The following CHRNE variants were observed in gnomAD, a reference collection of about 807,000 sequenced individuals.
CHRNE encodes the protein cholinergic receptor nicotinic epsilon subunit.
CHRNE carries 58 observed loss-of-function variants against 56.5 expected under a neutral mutation model. The observed-to-expected ratio is 1.03, with a 90% CI of 0.83 to 1.28. CHRNE has a LOEUF of 1.28. Ranked by LOEUF, CHRNE falls within the 50% of genes most tolerant of loss-of-function variation. The pLI is 0.00. For synonymous variants in CHRNE, 385 were observed against 297.9 expected, an observed-to-expected ratio of 1.29 and a Z score of -3.01; for missense variants, 793 against 688.9, an observed-to-expected ratio of 1.15 and a Z score of -1.69.
In CHRNE at chr17:4,899,349, G is replaced by A. The variant is rs986495754; in HGVS notation, c.1068C>T (p.Ser356=). The A allele has an allele frequency of 6.5e-7, 1 of 1,540,692 alleles. No individual in the cohort carries two copies. The highest frequency in any genetic ancestry group is 1.4e-5 in the African/African-American group (1 of 73,018). Residue 356 remains serine (S), a synonymous_variant, in exon 10 of 12, where the codon TCC becomes TCT. Transcript: ENST00000649488. ...CCCGGGGGGCCTCGGGCGGCGGCGG[G>A]GAGCCCAGGAGGCGCGGCAGCAGCT... is the stretch of plus-strand genomic sequence containing the variant. The part of the protein sequence containing the change: ...LLELLPRLLG[S]PPPPEAPRAA...
upstream of CHRNE, among the ~76,000 whole-genome samples, chr17:4,906,014 T>C (rs1597625520): frequency 6.6e-6 from 1 of 152,218 alleles, no homozygotes; most frequent in East Asian, 1.9e-4. Context: ...TCTCACTTCG[T>C]CAGCACTGCC....
At position 4,902,197 on chromosome 17, in the gene CHRNE, G is replaced by C. The variant is rs1970014238; in HGVS notation, c.344+20C>G. Reference sequence around the variant, plus strand: ...CCCAGGCCGGCTTCCCTCCAGCCTGGCGTCTGGCCCGGTTCTCACTTGTTT... The same window carrying C: ...CCCAGGCCGGCTTCCCTCCAGCCTGCCGTCTGGCCCGGTTCTCACTTGTTT... On this transcript the variant is annotated intron_variant, in intron 4 of 11. Transcript: ENST00000649488. The surrounding 1 kb of genome is among the most constrained non-coding windows in gnomAD (Gnocchi z 4.0). 1 of 1,613,612 alleles carries C rather than the reference G, an allele frequency of 6.2e-7. No individual in the cohort carries two copies. Among genetic ancestry groups the C allele is most frequent in the Admixed American group, 1.7e-5 (1 of 59,996 alleles).
Position 4,900,127 on chromosome 17 carries a change from C to T in CHRNE, c.918-545G>A, listed in dbSNP as rs985797311. The T allele has an allele frequency of 9.0e-6, 14 of 1,550,378 alleles. No homozygotes were observed. The African/African-American group carries it at 1.5e-4, about 17-fold the overall frequency. On this transcript the variant is annotated intron_variant, in intron 8 of 11. Transcript: ENST00000649488. ...AAGCCACAGCCAGCCTCGTGAGCTT[C>T]GGCACCACCTTGTTAGAGGTGGGGT...
chr17:4,900,148 G>T (rs1252985364), intron 8 of CHRNE: 1 of 1,548,400 alleles, frequency 6.5e-7, no homozygotes, highest in Non-Finnish European at 8.7e-7. Context: ...TGTTAGAGGT[G>T]GGGTACTGGG....
chr17:4,902,629 T>C lies in CHRNE; in HGVS notation c.181A>G (p.Ile61Val). The change falls in exon 2 of 12, where the codon ATC becomes GTC. Residue 61 changes from isoleucine to valine, a missense_variant. Ile to Val is a conservative substitution (Grantham distance 29). Transcript: ENST00000649488. The surrounding 1 kb of genome is among the most constrained non-coding windows in gnomAD (Gnocchi z 4.0). ...ISLKVTLTNL[I>V]SLNEKEETLT... ...GGGTGGGGGTAGCTTACCAGTGAGA[T>C]GAGATTCGTCAGGGTGACCTTGAGG... is the stretch of plus-strand genomic sequence containing the variant. 8 of 1,610,244 alleles carry C rather than the reference T, an allele frequency of 5.0e-6. No homozygotes were observed. The highest frequency in any genetic ancestry group is 6.8e-6 in the Non-Finnish European group (8 of 1,176,860).
upstream of CHRNE, chr17:4,903,127 G>T: frequency 6.4e-7 from 1 of 1,556,194 alleles, no homozygotes; most frequent in Non-Finnish European, 8.8e-7. Context: ...ATGCCAGGGT[G>T]CCTGTGTGAG....
upstream of CHRNE, among the ~76,000 whole-genome samples, chr17:4,903,731 C>G (rs750764715): frequency 5.9e-5 from 9 of 152,186 alleles, no homozygotes; most frequent in Non-Finnish European, 1.3e-4. Flanking sequence ...TTCTCCTTGT[C>G]TATCCCTGCT....
Position 4,897,838 on chromosome 17 carries a change from G to GCCAAAACATTCCC in CHRNE, c.*885_*897dup, listed in dbSNP as rs1281900603. On this transcript the variant is annotated 3_prime_UTR_variant, in exon 12 of 12. Transcript: ENST00000649488. ...AGGGAATGGAGGGGGGACCCCGCCAGCCAAAACATTCCCCCCATTCCCGAC... is the reference window on the plus strand; with the variant it reads ...AGGGAATGGAGGGGGGACCCCGCCAGCCAAAACATTCCCCCAAAACATTCCCCCCATTCCCGAC... 1 of 152,308 alleles carries GCCAAAACATTCCC rather than the reference G, an allele frequency of 6.6e-6. No individual in the cohort carries two copies. The highest frequency in any genetic ancestry group is 1.5e-5 in the Non-Finnish European group (1 of 68,196). The allele number at this position is 152,308 out of a possible 1,614,324, so 9.4% of individuals were successfully genotyped here.
rs1969863454 is a variant in CHRNE, at chr17:4,899,360, G to C, written c.1057C>G (p.Leu353Val). The change falls in exon 10 of 12, where the codon CTC (leucine) becomes GTC (valine). Residue 353 changes from leucine (L) to valine (V), a missense_variant. Coordinates refer to ENST00000649488, the MANE Select transcript of CHRNE (RefSeq NM_000080.4). ...RHVLLELLPRLLGSPPPPEAP... is the reference protein window; with the variant it reads ...RHVLLELLPRVLGSPPPPEAP... ...TCGGGCGGCGGCGGGGAGCCCAGGA[G>C]GCGCGGCAGCAGCTCCAGGAGAACC... is the stretch of plus-strand genomic sequence containing the variant. 1 of 1,536,524 alleles carries C rather than the reference G, an allele frequency of 6.5e-7. No homozygotes were observed. Among genetic ancestry groups the C allele is most frequent in the Non-Finnish European group, 8.7e-7 (1 of 1,147,010 alleles).
rs954298429 is a variant in CHRNE, at chr17:4,898,855, C to A, written c.1363G>T (p.Asp455Tyr). Residue 455 changes from aspartate to tyrosine, a missense_variant, in exon 12 of 12, where the codon GAC becomes TAC. Transcript: ENST00000649488. Reference sequence around the variant, plus strand: ...AGAGCGGCCCAGAAGCAGATGTTGTCAAGGGCATTCCCCATGCGCACCCAG... The same window carrying A: ...AGAGCGGCCCAGAAGCAGATGTTGTAAAGGGCATTCCCCATGCGCACCCAG... ...SDWVRMGNALDNICFWAALVL... is the reference protein window; with the variant it reads ...SDWVRMGNALYNICFWAALVL... 1 of 1,590,778 alleles carries A rather than the reference C, an allele frequency of 6.3e-7. No individual in the cohort carries two copies. Among genetic ancestry groups the A allele is most frequent in the Non-Finnish European group, 8.6e-7 (1 of 1,169,316 alleles).
At position 4,900,843 on chromosome 17, in the gene CHRNE, G is replaced by C. The variant is rs763590279; in HGVS notation, c.867C>G (p.Leu289=). ...VLLAQTVFLF[L]IAQKIPETSL... Reference sequence around the variant, plus strand: ...AAGTCTCTGGGATTTTCTGGGCAATGAGGAACAAGAAGACGGTCTGGGCGA... The same window carrying C: ...AAGTCTCTGGGATTTTCTGGGCAATCAGGAACAAGAAGACGGTCTGGGCGA... Residue 289 remains leucine, a synonymous_variant, in exon 8 of 12, where the codon CTC becomes CTG. Coordinates refer to ENST00000649488, the MANE Select transcript of CHRNE (RefSeq NM_000080.4). 4 of 1,614,088 alleles carry C rather than the reference G, an allele frequency of 2.5e-6. No homozygotes were observed. Among genetic ancestry groups the C allele is most frequent in the African/African-American group, 1.3e-5 (1 of 74,940 alleles).
intron 5 of CHRNE, 94 bp downstream of exon 5, chr17:4,901,838 G>A: frequency 6.4e-7 from 1 of 1,563,172 alleles, no homozygotes. Context: ...CCAGCGCGAA[G>A]CCCCGCCCCG....
chr17:4,904,211 TG>T (rs201525691), upstream of CHRNE, among the ~76,000 whole-genome samples: 4 of 151,596 alleles, frequency 2.6e-5, no homozygotes, highest in Admixed American at 6.6e-5. Context: ...TTGCAGGGGG[TG>T]GGGGGACAGG....
At chr17:4,906,111 C>T (rs1197224846), upstream of CHRNE, among the ~76,000 whole-genome samples, 1 of 152,182 alleles carries the variant, frequency 6.6e-6, no homozygotes, top group Non-Finnish European at 1.5e-5. Flanking sequence ...GGTCTTAGCC[C>T]CAGACCAACT....
In CHRNE at chr17:4,901,186, G is replaced by A. The variant is rs1969973699; in HGVS notation, c.606C>T (p.Asn202=). 6.2e-7 allele frequency: 1 copy of A among 1,603,768 alleles called. No homozygotes were observed. The highest frequency in any genetic ancestry group is 8.5e-7 in the Non-Finnish European group (1 of 1,178,912). ...GGCAGAAGTCGATGGCCCACTCGCC[G>A]TTCTCTGCGGGACGGGGGCACGGTC... The part of the protein sequence containing the change: ...IDIDTEAYTE[N]GEWAIDFCPG... The change falls in exon 7 of 12, where the codon AAC becomes AAT. Residue 202 remains asparagine (N), a synonymous_variant. Transcript: ENST00000649488.
chr17:4,899,869 T>G (rs1336070304), intron 8 of CHRNE: 1 of 1,542,984 alleles, frequency 6.5e-7, no homozygotes, highest in Admixed American at 2.0e-5. Context: ...CGAGACCTTC[T>G]GGGTAGGTCT....
chr17:4,899,029 C>T lies in CHRNE; in HGVS notation c.1298G>A (p.Ser433Asn). Residue 433 changes from serine to asparagine, a missense_variant, in exon 11 of 12, where the codon AGC (serine) becomes AAC (asparagine). By Grantham distance (46) the Ser-to-Asn change is conservative. Transcript: ENST00000649488. Reference sequence around the variant, plus strand: ...GCCGGTGGCCTCCTGATCTCTCGTGCTCTCGGCCACGAAGTTCACGGCATC... The same window carrying T: ...GCCGGTGGCCTCCTGATCTCTCGTGTTCTCGGCCACGAAGTTCACGGCATC... ...CVDAVNFVAE[S>N]TRDQEATGEE... The T allele has an allele frequency of 6.2e-7, 1 of 1,609,828 alleles. No individual in the cohort carries two copies. Among genetic ancestry groups the T allele is most frequent in the African/African-American group, 1.3e-5 (1 of 75,046 alleles).
intron 8 of CHRNE, chr17:4,899,952 C>T (rs765713361): frequency 4.5e-6 from 7 of 1,550,958 alleles, no homozygotes; most frequent in South Asian, 1.2e-5. Flanking sequence ...CTCCAGCCCC[C>T]GCTTCTGTCT....
chr17:4,902,417 A>C lies in CHRNE; in HGVS notation c.234+33T>G. 1 of 1,614,130 alleles carries C rather than the reference A, an allele frequency of 6.2e-7. No individual in the cohort carries two copies. The highest frequency in any genetic ancestry group is 8.5e-7 in the Non-Finnish European group (1 of 1,179,984). On this transcript the variant is annotated intron_variant, in intron 3 of 11. Transcript: ENST00000649488. The surrounding 1 kb of genome is among the most constrained non-coding windows in gnomAD (Gnocchi z 4.0). ...TTGGGGGAAAAGGGGTGCCCTGGACAAGACCTCACACCATTCCCCAGATTT... is the reference window on the plus strand; with the variant it reads ...TTGGGGGAAAAGGGGTGCCCTGGACCAGACCTCACACCATTCCCCAGATTT...
Sources: gnomAD v4.1 joint callset for allele counts (sites outside exome capture counted in the v4.1 genomes callset) on GRCh38, gnomAD v4.1.1 for gene constraint, Gnocchi (gnomAD v3.1) non-coding constraint, MANE v1.5 for transcripts, NCBI Gene and HGNC (gene_info 2026-07-23, HGNC 2026-07-21) for gene names.